FANCC: variants seen among roughly 807,000 people sequenced by gnomAD.
The protein encoded by FANCC is FA complementation group C.
FANCC carries 55 observed loss-of-function variants against 71.3 expected under a neutral mutation model. The ratio of observed to expected loss-of-function variants is 0.77; its 90% confidence interval spans 0.62 to 0.97. The LOEUF is 0.97. Ranked by LOEUF, FANCC falls within the 50% of genes least tolerant of loss-of-function variation. The pLI is 0.00. For missense variants in FANCC, 678 were observed against 670.9 expected, an observed-to-expected ratio of 1.01 and a Z score of -0.12; for synonymous variants, 275 against 244.9, an observed-to-expected ratio of 1.12 and a Z score of -1.15.
At chr9:95,121,479 G>A (rs1008068970) in intron 10 of FANCC, among the ~76,000 whole-genome samples, 1 of 152,214 alleles carries the variant, frequency 6.6e-6, no homozygotes, top group South Asian at 2.1e-4. Context: ...CAGGATCTAT[G>A]AAAGTTGAAC....
At chr9:95,269,114 T>C (rs1450424296) in intron 1 of FANCC, among the ~76,000 whole-genome samples, 1 of 152,186 alleles carries the variant, frequency 6.6e-6, no homozygotes, top group Non-Finnish European at 1.5e-5. Context: ...AGAAGCAGCA[T>C]GCCTTCTTAT....
At position 95,235,627 on chromosome 9, in the gene FANCC, G is replaced by A. The variant is rs185640105; in HGVS notation, c.345+5022C>T. Among the ~76,000 whole-genome samples the A allele has an allele frequency of 1.1e-3, 162 of 152,084 alleles. 1 individual carries two copies. The highest frequency in any genetic ancestry group is 1.1e-3 in the Non-Finnish European group (75 of 67,952). On this transcript the variant is annotated intron_variant, in intron 4 of 14. Coordinates refer to ENST00000289081, the MANE Select transcript of FANCC (RefSeq NM_000136.3). Reference sequence around the variant, plus strand: ...TGGGAGGCTGAGGTGGGCAGATCACGTGAGGTCGGGAGTTTGAGACCAGCC... The same window carrying A: ...TGGGAGGCTGAGGTGGGCAGATCACATGAGGTCGGGAGTTTGAGACCAGCC...
At chr9:95,160,409 C>G (rs1830675760) in intron 6 of FANCC, among the ~76,000 whole-genome samples, 1 of 152,050 alleles carries the variant, frequency 6.6e-6, no homozygotes, top group Non-Finnish European at 1.5e-5. Flanking sequence ...GTACCAGTAC[C>G]ATGCTGTTTT....
intron 1 of FANCC, among the ~76,000 whole-genome samples, chr9:95,301,732 TC>T (rs1162847858): frequency 2.0e-5 from 3 of 152,054 alleles, no homozygotes; most frequent in Non-Finnish European, 4.4e-5. Flanking sequence ...TTGCATTTTT[TC>T]CCTGTGTTTT....
chr9:95,228,646 G>C (rs1468043956), intron 4 of FANCC, among the ~76,000 whole-genome samples: 1 of 152,202 alleles, frequency 6.6e-6, no homozygotes, highest in Admixed American at 6.5e-5. Context: ...GAGCTGATGA[G>C]CACTAAGACC....
At chr9:95,183,996 T>C (rs1054156768) in intron 4 of FANCC, among the ~76,000 whole-genome samples, 2 of 152,178 alleles carry the variant, frequency 1.3e-5, no homozygotes, top group Admixed American at 1.3e-4. Context: ...TTCTCTTTCC[T>C]CAAACCAGTC....
At chr9:95,247,305 T>C in intron 3 of FANCC, 127 bp downstream of exon 3, 1 of 735,572 alleles carries the variant, frequency 1.4e-6, no homozygotes, top group South Asian at 1.5e-5. Flanking sequence ...AATAGAACAA[T>C]GAATACATTT....
intron 4 of FANCC, among the ~76,000 whole-genome samples, chr9:95,183,371 C>T (rs1421702294): frequency 6.6e-6 from 1 of 152,198 alleles, no homozygotes; most frequent in African/African-American, 2.4e-5. Context: ...CCTCGCTGTC[C>T]TTCACATTCC....
chr9:95,198,149 G>A (rs1031521090), intron 4 of FANCC, among the ~76,000 whole-genome samples: 1 of 152,138 alleles, frequency 6.6e-6, no homozygotes, highest in African/African-American at 2.4e-5. Flanking sequence ...AGCAGCTAGT[G>A]GAGATGGAAT....
rs202038890 is a variant in FANCC at position 95,149,989 on chromosome 9, T to C, written c.620A>G (p.His207Arg). 1.9e-6 allele frequency: 3 copies of C among 1,613,818 alleles called. No individual in the cohort carries two copies. The highest frequency in any genetic ancestry group is 3.3e-5 in the Admixed American group (2 of 59,968). ...GAGGATTTCCTGAGGTTCACGTCCATGACAGATGAGGAGAGCCTCCACCAG... is the reference window on the plus strand; with the variant it reads ...GAGGATTTCCTGAGGTTCACGTCCACGACAGATGAGGAGAGCCTCCACCAG... ...DPLVEALLIC[H>R]GREPQEILQP... is the part of the protein sequence containing the mutation. The change falls in exon 7 of 15, where the codon CAT (histidine) becomes CGT (arginine). Residue 207 changes from histidine to arginine, a missense_variant. Coordinates refer to ENST00000289081, the MANE Select transcript of FANCC (RefSeq NM_000136.3).
chr9:95,297,124 T>C (rs1264338886), intron 1 of FANCC, among the ~76,000 whole-genome samples: 2 of 152,170 alleles, frequency 1.3e-5, no homozygotes. Flanking sequence ...AACTGAACCA[T>C]ATGTGGGGGC....
At chr9:95,118,527 C>T (rs926817646) in intron 10 of FANCC, among the ~76,000 whole-genome samples, 1 of 152,232 alleles carries the variant, frequency 6.6e-6, no homozygotes, top group Non-Finnish European at 1.5e-5. Flanking sequence ...AGTGAAGACA[C>T]ATTTCTATCA....
At chr9:95,310,402 T>C (rs1835319327) in intron 1 of FANCC, among the ~76,000 whole-genome samples, 1 of 151,152 alleles carries the variant, frequency 6.6e-6, no homozygotes, top group African/African-American at 2.4e-5. Context: ...AATTCGTTGG[T>C]TCAAGAAACT....
chr9:95,195,155 G>A (rs372403903), intron 4 of FANCC, among the ~76,000 whole-genome samples: 6 of 122,506 alleles, frequency 4.9e-5, no homozygotes, highest in Non-Finnish European at 7.9e-5. Flanking sequence ...CCAAGATGGC[G>A]CCACTGCACT....
Position 95,106,443 on chromosome 9 carries a change from T to C in FANCC, c.1533+623A>G, listed in dbSNP as rs763357773. On this transcript the variant is annotated intron_variant, in intron 14 of 14. Transcript: ENST00000289081. Reference sequence around the variant, plus strand: ...TTTTCACTTTCTTGACAGTATCATTTGATGCACAAAAGCTTTTAATTTTCA... The same window carrying C: ...TTTTCACTTTCTTGACAGTATCATTCGATGCACAAAAGCTTTTAATTTTCA... 7.9e-5 allele frequency among the ~76,000 whole-genome samples: 12 copies of C among 152,374 alleles called. No individual in the cohort carries two copies. In the South Asian group the frequency reaches 8.3e-4, roughly 11 times the overall value.
chr9:95,197,904 G>A (rs1031558140), intron 4 of FANCC, among the ~76,000 whole-genome samples: 3 of 152,196 alleles, frequency 2.0e-5, no homozygotes, highest in African/African-American at 7.2e-5. Context: ...ACACAGCAGA[G>A]GTCCCCACAG....
At chr9:95,283,409 T>C (rs760611213) in intron 1 of FANCC, among the ~76,000 whole-genome samples, 3 of 152,224 alleles carry the variant, frequency 2.0e-5, no homozygotes, top group Admixed American at 1.3e-4. Context: ...AGCCTGCCAT[T>C]TCTGCAACAT....
chr9:95,300,075 C>G (rs10993506), intron 1 of FANCC, among the ~76,000 whole-genome samples: 4,155 of 152,232 alleles, frequency 0.027, 102 homozygotes, highest in East Asian at 0.093. Flanking sequence ...TAGCGGCCAG[C>G]CAATTCTATG....
At chr9:95,296,503 CT>C (rs4647381) in intron 1 of FANCC, among the ~76,000 whole-genome samples, 32 of 148,174 alleles carry the variant, frequency 2.2e-4, no homozygotes, top group Admixed American at 4.0e-4. Flanking sequence ...CTTTGTTAGG[CT>C]TTTTTTTTTA....
Sources: gnomAD v4.1 joint callset for allele counts (sites outside exome capture counted in the v4.1 genomes callset) on GRCh38, gnomAD v4.1.1 for gene constraint, MANE v1.5 for transcripts, NCBI Gene and HGNC (gene_info 2026-07-23, HGNC 2026-07-21) for gene names.